Variants in SCAF1 observed in about 807,000 individuals in gnomAD.
The protein encoded by SCAF1 is splicing factor, arginine/serine-rich 19.
SCAF1 carries 28 observed loss-of-function variants against 91.2 expected under a neutral mutation model. The observed-to-expected ratio is 0.31, with a 90% CI of 0.23 to 0.42. The LOEUF is 0.42. SCAF1 is among the 10% of genes least tolerant of loss of function. The probability of loss-of-function intolerance (pLI) is 1.00; values close to 1 mark genes in which losing one functional copy is unlikely to be tolerated. For missense variants in SCAF1, 1,893 were observed against 1,872.1 expected, an observed-to-expected ratio of 1.01 and a Z score of -0.21; for synonymous variants, 1,036 against 833.7, an observed-to-expected ratio of 1.24 and a Z score of -4.18.
upstream of SCAF1, chr19:49,641,981 G>T (rs1336868183): frequency 3.3e-5 from 5 of 152,288 alleles, no homozygotes; most frequent in Non-Finnish European, 7.3e-5. Context: ...CACCCCATTA[G>T]CTGTCCCCGC....
At position 49,658,585 on chromosome 19, in the gene SCAF1, C is replaced by G. The variant is rs1184872720; in HGVS notation, c.*186C>G. On this transcript the variant is annotated 3_prime_UTR_variant, in exon 11 of 11. Coordinates refer to ENST00000360565, the MANE Select transcript of SCAF1 (RefSeq NM_021228.3). The stretch of plus-strand genomic sequence containing the variant: ...TTGCCCCCAAGCCTGTCCCCAGTGC[C>G]CCTCCCTTCTGTTTGTGCCCCTCTC... 5 of 607,328 alleles carry G rather than the reference C, an allele frequency of 8.2e-6. No individual in the cohort carries two copies. The highest frequency in any genetic ancestry group is 1.5e-5 in the Non-Finnish European group (5 of 343,152). 37.6% of individuals were successfully genotyped at this position (607,328 alleles called of 1,614,324 possible).
At chr19:49,644,232 T>C (rs973228106) in intron 1 of SCAF1, among the ~76,000 whole-genome samples, 1 of 152,160 alleles carries the variant, frequency 6.6e-6, no homozygotes, top group East Asian at 1.9e-4. Context: ...AGCTGAAATA[T>C]TCATATTTTT....
At chr19:49,642,122 A>G (rs1307351485), upstream of SCAF1, 1 of 152,198 alleles carries the variant, frequency 6.6e-6, no homozygotes, top group Admixed American at 6.5e-5. This position sits in a 1 kb window ranked among gnomAD's most constrained non-coding sequence, Gnocchi z 4.0. Flanking sequence ...CGTGCTCGGT[A>G]CTTGAAATCC....
upstream of SCAF1, among the ~76,000 whole-genome samples, chr19:49,640,785 C>A (rs1272857521): frequency 1.3e-5 from 2 of 152,132 alleles, no homozygotes; most frequent in Admixed American, 1.3e-4. Context: ...AGGGAGGGGC[C>A]GTGAGATCAC....
Position 49,646,678 on chromosome 19 carries a change from G to C in SCAF1, c.363-37G>C, listed in dbSNP as rs745310114. On this transcript the variant is annotated intron_variant, in intron 5 of 10. Transcript: ENST00000360565. This position sits in a 1 kb window ranked among gnomAD's most constrained non-coding sequence, Gnocchi z 5.6. The stretch of plus-strand genomic sequence containing the variant: ...AGAGGCCTCAGCGTGAGAGCCAGAA[G>C]CACCCCTGAGGCTCACCCACCCCTT... 3.7e-6 allele frequency: 6 copies of C among 1,612,314 alleles called. No homozygotes were observed. The highest frequency in any genetic ancestry group is 5.1e-6 in the Non-Finnish European group (6 of 1,178,484).
Position 49,653,554 on chromosome 19 carries a change from A to G in SCAF1, c.3165A>G (p.Pro1055=). Residue 1055 remains proline (P), a synonymous_variant, in exon 7 of 11, where the codon CCA becomes CCG. Transcript: ENST00000360565. ...CCACCAGCACTGCTGCAGCCGCCCC[A>G]AGCACTGCCCCCAGCGCGGGGTCCA... The part of the protein sequence containing the change: ...TTATSTAAAA[P]STAPSAGSTA... 2.5e-6 allele frequency: 4 copies of G among 1,585,210 alleles called. No homozygotes were observed. Among genetic ancestry groups the G allele is most frequent in the Non-Finnish European group, 3.4e-6 (4 of 1,169,948 alleles).
At position 49,645,082 on chromosome 19, in the gene SCAF1, G is replaced by T. The variant is rs902644425; in HGVS notation, c.56G>T (p.Gly19Val). Residue 19 changes from glycine to valine, a missense_variant, in exon 2 of 11, where the codon GGC (glycine) becomes GTC (valine). This residue lies in a region of SCAF1 where 270 missense variants were observed against 292.5 expected (regional missense o/e 0.92). Coordinates refer to ENST00000360565, the MANE Select transcript of SCAF1 (RefSeq NM_021228.3). The surrounding 1 kb of genome is among the most constrained non-coding windows in gnomAD (Gnocchi z 4.6). Reference sequence around the variant, plus strand: ...ACAGAGGAGTCGGGGGAGGATCGGGGCGATGGTCCGCCAGACAGAGACCCC... The same window carrying T: ...ACAGAGGAGTCGGGGGAGGATCGGGTCGATGGTCCGCCAGACAGAGACCCC... ...GKTEESGEDR[G>V]DGPPDRDPTL... is the part of the protein sequence containing the mutation. 8 of 1,614,052 alleles carry T rather than the reference G, an allele frequency of 5.0e-6. No homozygotes were observed. Among genetic ancestry groups the T allele is most frequent in the Non-Finnish European group, 5.1e-6 (6 of 1,180,026 alleles).
At chr19:49,656,226 G>A (rs1439376911) in intron 9 of SCAF1, among the ~76,000 whole-genome samples, 5 of 152,124 alleles carry the variant, frequency 3.3e-5, no homozygotes, top group East Asian at 1.9e-4. Context: ...CCTTTGCCCC[G>A]CTTTGCCCAT....
rs1433771106 is a variant in SCAF1 at position 49,646,754 on chromosome 19, C to T, written c.402C>T (p.Ile134=). The T allele has an allele frequency of 6.8e-6, 11 of 1,613,998 alleles. No homozygotes were observed. Among genetic ancestry groups the T allele is most frequent in the East Asian group, 2.2e-5 (1 of 44,872 alleles). Residue 134 remains isoleucine, a synonymous_variant, in exon 6 of 11, where the codon ATC becomes ATT. Coordinates refer to ENST00000360565, the MANE Select transcript of SCAF1 (RefSeq NM_021228.3). This position sits in a 1 kb window ranked among gnomAD's most constrained non-coding sequence, Gnocchi z 5.6. Reference sequence around the variant, plus strand: ...TGGAGCTGGTGGCTGAGGTCCGAATCGGGGACAGAGATCCCATCCCTCTGC... The same window carrying T: ...TGGAGCTGGTGGCTGAGGTCCGAATTGGGGACAGAGATCCCATCCCTCTGC... The part of the protein sequence containing the change: ...DMLELVAEVR[I]GDRDPIPLPV...
chr19:49,652,735 G>C lies in SCAF1; in HGVS notation c.2346G>C (p.Arg782Ser). Residue 782 changes from arginine (R) to serine (S), a missense_variant, in exon 7 of 11, where the codon AGG (arginine) becomes AGC (serine). Arg to Ser is a moderately radical substitution (Grantham distance 110). Around this residue, in one of 5 missense-constraint regions of SCAF1, gnomAD observed 1,436 missense variants for 1,306.8 expected, o/e 1.10. Coordinates refer to ENST00000360565, the MANE Select transcript of SCAF1 (RefSeq NM_021228.3). ...ACGGGGGTGACCGGGATCGGGACAG[G>C]GACAGAGATAGGGACAGGGACAGGT... is the stretch of plus-strand genomic sequence containing the variant. ...ALDGGDRDRD[R>S]DRDRDRDRSS... The C allele has an allele frequency of 6.2e-7, 1 of 1,605,440 alleles. No homozygotes were observed.
intron 10 of SCAF1, 69 bp downstream of exon 10, chr19:49,657,958 G>T (rs1599835096): frequency 6.4e-7 from 1 of 1,558,624 alleles, no homozygotes; most frequent in South Asian, 1.2e-5. Flanking sequence ...GATGTGTGCA[G>T]ACAGATGGAC....
Position 49,653,054 on chromosome 19 carries a change from A to G in SCAF1, c.2665A>G (p.Lys889Glu), listed in dbSNP as rs549441695. ...PDERAPTEMA[K>E]AAPGSTKPKK... The stretch of plus-strand genomic sequence containing the variant: ...CGAGCGGGCCCCCACTGAGATGGCC[A>G]AAGCAGCTCCGGGCAGCACCAAGCC... Residue 889 changes from lysine (K) to glutamate (E), a missense_variant, in exon 7 of 11, where the codon AAA (lysine) becomes GAA (glutamate). Lys to Glu is a moderately conservative substitution (Grantham distance 56, BLOSUM62 1). Around this residue, in one of 5 missense-constraint regions of SCAF1, gnomAD observed 1,436 missense variants for 1,306.8 expected, o/e 1.10. Transcript: ENST00000360565. 3 of 1,613,988 alleles carry G rather than the reference A, an allele frequency of 1.9e-6. No homozygotes were observed. In the South Asian group the frequency reaches 3.3e-5, roughly 18 times the overall value.
In SCAF1 at chr19:49,653,690, A is replaced by C. The variant is rs1404091081; in HGVS notation, c.3301A>C (p.Ser1101Arg). 6.4e-7 allele frequency: 1 copy of C among 1,573,224 alleles called. No individual in the cohort carries two copies. The highest frequency in any genetic ancestry group is 8.6e-7 in the Non-Finnish European group (1 of 1,165,280). ...NLPAGVDCTT[S>R]GVLALTALLF... is the part of the protein sequence containing the mutation. ...GCCAGCTGGTGTGGACTGCACCACC[A>C]GCGGCGTCCTGGCCTGTGAGTGTCC... The change falls in exon 7 of 11, where the codon AGC becomes CGC. Residue 1101 changes from serine to arginine, a missense_variant. Ser to Arg is a moderately radical substitution (Grantham distance 110, BLOSUM62 -1). Around this residue, in one of 5 missense-constraint regions of SCAF1, gnomAD observed 1,436 missense variants for 1,306.8 expected, o/e 1.10. Transcript: ENST00000360565.
At position 49,651,892 on chromosome 19, in the gene SCAF1, G is replaced by T. The variant is rs1489888104; in HGVS notation, c.1503G>T (p.Pro501=). The T allele has an allele frequency of 8.5e-7, 1 of 1,180,784 alleles. No homozygotes were observed. Among genetic ancestry groups the T allele is most frequent in the Non-Finnish European group, 1.1e-6 (1 of 952,016 alleles). 73.1% of individuals were successfully genotyped at this position (1,180,784 alleles called of 1,614,324 possible). Residue 501 remains proline, a synonymous_variant, in exon 7 of 11, where the codon CCG becomes CCT. Transcript: ENST00000360565. ...GCTACCGCCAGCGCTCGCCCTCCCCGGCGCCCGCGCCCGCCCCGGCCGCCG... is the reference window on the plus strand; with the variant it reads ...GCTACCGCCAGCGCTCGCCCTCCCCTGCGCCCGCGCCCGCCCCGGCCGCCG... The part of the protein sequence containing the change: ...RERYRQRSPS[P]APAPAPAAAA...
Position 49,646,114 on chromosome 19 carries a change from C to T in SCAF1, c.173C>T (p.Ser58Phe), listed in dbSNP as rs1262310232. The T allele has an allele frequency of 1.2e-6, 2 of 1,612,032 alleles. No homozygotes were observed. The highest frequency in any genetic ancestry group is 1.7e-6 in the Non-Finnish European group (2 of 1,179,788). The part of the protein sequence containing the change: ...QGDLPNDKDG[S>F]RCHGLRWRRC... Reference sequence around the variant, plus strand: ...CATGCAAATCTCTCACCAGATGGCTCTCGGTGTCATGGCCTTCGATGGCGG... The same window carrying T: ...CATGCAAATCTCTCACCAGATGGCTTTCGGTGTCATGGCCTTCGATGGCGG... Residue 58 changes from serine (S) to phenylalanine (F), a missense_variant, in exon 4 of 11, where the codon TCT becomes TTT. By Grantham distance (155) the Ser-to-Phe change is radical (BLOSUM62 -2). Transcript: ENST00000360565. The surrounding 1 kb of genome is among the most constrained non-coding windows in gnomAD (Gnocchi z 5.6).
Position 49,652,151 on chromosome 19 carries a change from C to T in SCAF1, c.1762C>T (p.Arg588Cys). ...SRSRSTRRRS[R>C]STDRRRGGSR... ...CTCCCGCTCCACCCGCCGCCGCTCG[C>T]GCAGCACCGACCGCCGCCGCGGGGG... Residue 588 changes from arginine (R) to cysteine (C), a missense_variant, in exon 7 of 11, where the codon CGC becomes TGC. Physicochemically the swap from Arg to Cys is radical, Grantham distance 180. This residue lies in a region of SCAF1 where 1,436 missense variants were observed against 1,306.8 expected (regional missense o/e 1.10). Transcript: ENST00000360565. The T allele has an allele frequency of 2.0e-5, 22 of 1,091,636 alleles. No homozygotes were observed. Among genetic ancestry groups the T allele is most frequent in the Non-Finnish European group, 2.3e-5 (21 of 895,032 alleles). The allele number at this position is 1,091,636 out of a possible 1,614,324, so 67.6% of individuals were successfully genotyped here. A position where few individuals can be genotyped will look rare whatever the true frequency, so the allele number is the denominator to read the frequency against.
rs1385144756 is a variant in SCAF1 at position 49,651,585 on chromosome 19, CGGA to C, written c.1204_1206del (p.Glu402del). 3.2e-6 allele frequency: 5 copies of C among 1,542,668 alleles called. No individual in the cohort carries two copies. The African/African-American group carries it at 6.9e-5, about 21-fold the overall frequency. On this transcript the variant is annotated inframe_deletion, in exon 7 of 11. Transcript: ENST00000360565. The stretch of plus-strand genomic sequence containing the variant: ...ATCGAGGAAGGGGAGATCGTCCAGC[CGGA>C]GGAGGAGCCCAGGCTGGCGCTGTCC...
chr19:49,657,017 T>TG (rs2081143633), intron 9 of SCAF1, among the ~76,000 whole-genome samples: 1 of 151,938 alleles, frequency 6.6e-6, no homozygotes. Context: ...TAGCCAGGCG[T>TG]GGGGGTGGCA....
At chr19:49,648,162 CAGT>C (rs945824094) in intron 6 of SCAF1, among the ~76,000 whole-genome samples, 13 of 151,074 alleles carry the variant, frequency 8.6e-5, no homozygotes, top group African/African-American at 3.2e-4. Context: ...GGCCGGAGTG[CAGT>C]AGTGGGGTCT....
Sources: gnomAD v4.1 joint callset for allele counts (sites outside exome capture counted in the v4.1 genomes callset) on GRCh38, gnomAD v4.1.1 for gene constraint, gnomAD v4.1.1 regional missense constraint, Gnocchi (gnomAD v3.1) non-coding constraint, MANE v1.5 for transcripts, NCBI Gene and HGNC (gene_info 2026-07-23, HGNC 2026-07-21) for gene names.